The following PTPRN2 variants were observed in gnomAD, a reference collection of about 807,000 sequenced individuals.
PTPRN2 encodes the protein protein tyrosine phosphatase receptor type N2.
Under a neutral mutation model 118.8 loss-of-function variants are expected in PTPRN2, and 74 were observed. The observed-to-expected ratio is 0.62, with a 90% CI of 0.52 to 0.76. The LOEUF is 0.76. PTPRN2 is among the 30% of genes least tolerant of loss of function. The pLI, the probability that PTPRN2 is intolerant of heterozygous loss-of-function variation, is 0.00. For synonymous variants in PTPRN2, 641 were observed against 608.0 expected (o/e 1.05, Z -0.80); for missense variants, 1,481 against 1,394.4 (o/e 1.06, Z -0.99).
intron 12 of PTPRN2, among the ~76,000 whole-genome samples, chr7:157,798,599 C>T (rs77719980): frequency 0.042 from 6,440 of 152,236 alleles, 439 homozygotes; most frequent in African/African-American, 0.14. Context: ...TTTCCATTCC[C>T]CTGGGCAGGT....
chr7:158,555,628 C>G lies in PTPRN2; in HGVS notation c.112+31930G>C, dbSNP rs963485121. ...CCCAGACCCAGCCTCCCTCAGCTCC[C>G]ATGGCAGGGTTAGGGGCACAAGCAC... On this transcript the variant is annotated intron_variant, in intron 1 of 22. Coordinates refer to ENST00000389418, the MANE Select transcript of PTPRN2 (RefSeq NM_002847.5). The surrounding 1 kb of genome is among the most constrained non-coding windows in gnomAD (Gnocchi z 4.7). Among the ~76,000 whole-genome samples the G allele has an allele frequency of 9.2e-5, 14 of 152,220 alleles. No homozygotes were observed. The highest frequency in any genetic ancestry group is 1.6e-4 in the Non-Finnish European group (11 of 68,042).
At chr7:157,795,028 T>C (rs1380103107) in intron 12 of PTPRN2, among the ~76,000 whole-genome samples, 2 of 152,134 alleles carry the variant, frequency 1.3e-5, no homozygotes, top group Non-Finnish European at 2.9e-5. Context: ...CCCTCACCTG[T>C]GCACCTGGGA....
intron 12 of PTPRN2, among the ~76,000 whole-genome samples, chr7:157,769,127 G>A (rs1013250949): frequency 1.3e-5 from 2 of 152,130 alleles, no homozygotes; most frequent in East Asian, 1.9e-4. Context: ...TCATGACAAC[G>A]CCTCCACCGC....
Position 158,071,682 on chromosome 7 carries a change from C to CTGG in PTPRN2, c.1723+9613_1723+9615dup, listed in dbSNP as rs1356529426. 2.8e-4 allele frequency among the ~76,000 whole-genome samples: 11 copies of CTGG among 39,674 alleles called. 1 individual carries two copies. Among genetic ancestry groups the CTGG allele is most frequent in the Non-Finnish European group, 5.1e-4 (10 of 19,684 alleles). 26.0% of individuals were successfully genotyped at this position (39,674 alleles called of 152,430 possible). A position where few individuals can be genotyped will look rare whatever the true frequency, so the allele number is the denominator to read the frequency against. On this transcript the variant is annotated intron_variant, in intron 11 of 22. Transcript: ENST00000389418. ...GGTGCTCGTGGTGGTGGAGGTGCTC[C>CTGG]TGGTGGAGGTGCTTGTGGTGGAGGT...
intron 11 of PTPRN2, among the ~76,000 whole-genome samples, chr7:157,912,179 G>A (rs921293794): frequency 2.0e-5 from 3 of 152,170 alleles, no homozygotes; most frequent in East Asian, 1.9e-4. Context: ...CTAGTGCTCC[G>A]TGTGCTCATT....
Position 157,977,255 on chromosome 7 carries a change from A to G in PTPRN2, c.1724-78518T>C, listed in dbSNP as rs1802823382. ...ACAGGTAGGGTGGCTGTGCCCCATG[A>G]AGCTTGCATGGAACTCACCATCTGT... On this transcript the variant is annotated intron_variant, in intron 11 of 22. Coordinates refer to ENST00000389418, the MANE Select transcript of PTPRN2 (RefSeq NM_002847.5). This position sits in a 1 kb window ranked among gnomAD's most constrained non-coding sequence, Gnocchi z 4.6. 6.6e-6 allele frequency among the ~76,000 whole-genome samples: 1 copy of G among 151,956 alleles called. No individual in the cohort carries two copies. The highest frequency in any genetic ancestry group is 6.6e-5 in the Admixed American group (1 of 15,252).
intron 12 of PTPRN2, among the ~76,000 whole-genome samples, chr7:157,841,475 G>T (rs1475777258): frequency 6.6e-6 from 1 of 150,732 alleles, no homozygotes; most frequent in Non-Finnish European, 1.5e-5. Flanking sequence ...CACCCCACCC[G>T]CAGGTGATGA....
rs986411594 is a variant in PTPRN2, at chr7:157,673,632, C to T, written c.2001+9093G>A. ...AGCTCAGGCCCTTCCATGCTCCTCT[C>T]CCGCCCCACAGAGGCCCCCTCTGTC... On this transcript the variant is annotated intron_variant, in intron 13 of 22. Coordinates refer to ENST00000389418, the MANE Select transcript of PTPRN2 (RefSeq NM_002847.5). 2.7e-5 allele frequency among the ~76,000 whole-genome samples: 4 copies of T among 149,058 alleles called. No homozygotes were observed. In the South Asian group the frequency reaches 8.7e-4, roughly 33 times the overall value.
chr7:158,049,034 A>T (rs762257769), intron 11 of PTPRN2, among the ~76,000 whole-genome samples: 1 of 114 alleles, frequency 8.8e-3, no homozygotes, highest in Non-Finnish European at 0.015. Context: ...ACTATCACCA[A>T]CACCATCATC....
At chr7:157,546,134 C>A (rs1040367108) in intron 22 of PTPRN2, among the ~76,000 whole-genome samples, 1 of 152,128 alleles carries the variant, frequency 6.6e-6, no homozygotes, top group Non-Finnish European at 1.5e-5. Context: ...AGAGGGTGAA[C>A]TCCTCCGGAC....
intron 2 of PTPRN2, among the ~76,000 whole-genome samples, chr7:158,369,259 A>ATATATATG (rs1433200419): frequency 1.2e-4 from 6 of 52,006 alleles, no homozygotes; most frequent in Non-Finnish European, 2.5e-4. Context: ...TTATATATAT[A>ATATATATG]TACACACATA....
chr7:158,388,374 C>G (rs1811668482), intron 2 of PTPRN2, among the ~76,000 whole-genome samples: 1 of 152,200 alleles, frequency 6.6e-6, no homozygotes, highest in African/African-American at 2.4e-5. Flanking sequence ...GCATTTCTTC[C>G]CAGCCAGCGA....
rs369817807 is a variant in PTPRN2, at chr7:157,808,062, A to G, written c.1788+90611T>C. Among the ~76,000 whole-genome samples, 4 of 152,168 alleles carry G rather than the reference A, an allele frequency of 2.6e-5. No homozygotes were observed. Among genetic ancestry groups the G allele is most frequent in the African/African-American group, 9.7e-5 (4 of 41,430 alleles). On this transcript the variant is annotated intron_variant, in intron 12 of 22. Coordinates refer to ENST00000389418, the MANE Select transcript of PTPRN2 (RefSeq NM_002847.5). This position sits in a 1 kb window ranked among gnomAD's most constrained non-coding sequence, Gnocchi z 5.0. Reference sequence around the variant, plus strand: ...CCAAACTCACACTCTGTAAAAGTCCATGGGCATCCCAGATCTCCCACCCAT... The same window carrying G: ...CCAAACTCACACTCTGTAAAAGTCCGTGGGCATCCCAGATCTCCCACCCAT...
chr7:158,071,431 T>TCGTGGTGGTGGAGGTGCC (rs1811598529), intron 11 of PTPRN2, among the ~76,000 whole-genome samples: 1 of 85,506 alleles, frequency 1.2e-5, no homozygotes, highest in African/African-American at 4.7e-5. Flanking sequence ...GTGGAGGTGC[T>TCGTGGTGGTGGAGGTGCC]CGTGGTGGTG....
At chr7:157,863,883 C>T (rs1274704720) in intron 12 of PTPRN2, 1 of 152,218 alleles carries the variant, frequency 6.6e-6, no homozygotes, top group Non-Finnish European at 1.5e-5. Flanking sequence ...TCTGCCCACG[C>T]CTCGACCTCG....
intron 11 of PTPRN2, among the ~76,000 whole-genome samples, chr7:157,941,973 C>T (rs138808827): frequency 6.7e-5 from 10 of 150,030 alleles, no homozygotes; most frequent in East Asian, 1.9e-4. Flanking sequence ...CCTCCACACA[C>T]GGGGGTCCCC....
chr7:157,881,633 GC>G lies in PTPRN2; in HGVS notation c.1788+17039del, dbSNP rs1796136322. Among the ~76,000 whole-genome samples the G allele has an allele frequency of 6.6e-6, 1 of 152,118 alleles. No homozygotes were observed. Among genetic ancestry groups the G allele is most frequent in the African/African-American group, 2.4e-5 (1 of 41,396 alleles). ...CCTGTGACTGCAGGGATGCGTCTCT[GC>G]CTACGAGAAAGGAGAGGATTTCCTG... On this transcript the variant is annotated intron_variant, in intron 12 of 22. Coordinates refer to ENST00000389418, the MANE Select transcript of PTPRN2 (RefSeq NM_002847.5). This position sits in a 1 kb window ranked among gnomAD's most constrained non-coding sequence, Gnocchi z 4.7.
At chr7:157,894,141 G>C (rs1012966751) in intron 12 of PTPRN2, among the ~76,000 whole-genome samples, 1 of 152,212 alleles carries the variant, frequency 6.6e-6, no homozygotes, top group African/African-American at 2.4e-5. Context: ...AGGCTGAGCA[G>C]GGACCCTCGC....
intron 3 of PTPRN2, among the ~76,000 whole-genome samples, chr7:158,260,325 C>T (rs1238434323): frequency 6.6e-6 from 1 of 152,236 alleles, no homozygotes; most frequent in Admixed American, 6.5e-5. Flanking sequence ...CCTGCAAAAA[C>T]ACCTTCTCAG....
Sources: gnomAD v4.1 joint callset for allele counts (sites outside exome capture counted in the v4.1 genomes callset) on GRCh38, gnomAD v4.1.1 for gene constraint, Gnocchi (gnomAD v3.1) non-coding constraint, MANE v1.5 for transcripts, NCBI Gene and HGNC (gene_info 2026-07-23, HGNC 2026-07-21) for gene names.